The following KMT2E variants were observed in gnomAD, a reference collection of about 807,000 sequenced individuals.
KMT2E encodes the protein lysine methyltransferase 2E (inactive).
Under a neutral mutation model 184.6 loss-of-function variants are expected in KMT2E, and 30 were observed. The observed-to-expected ratio is 0.16, with a 90% CI of 0.12 to 0.22. The LOEUF (loss-of-function observed/expected upper bound fraction) is 0.22. KMT2E is among the 10% of genes least tolerant of loss of function. The pLI is 1.00. For missense variants in KMT2E, 2,023 were observed against 2,237.4 expected, an observed-to-expected ratio of 0.90 and a Z score of 1.93; for synonymous variants, 815 against 776.5, an observed-to-expected ratio of 1.05 and a Z score of -0.82.
chr7:105,069,770 A>C (rs1427283715), intron 6 of KMT2E, among the ~76,000 whole-genome samples: 3 of 152,230 alleles, frequency 2.0e-5, no homozygotes, highest in Non-Finnish European at 2.9e-5. Flanking sequence ...GTCACTCTAT[A>C]GAACATTCCT....
chr7:105,038,196 C>G lies in KMT2E; in HGVS notation c.-118C>G, dbSNP rs1795741025. The G allele has an allele frequency of 6.6e-6, 1 of 152,158 alleles. No homozygotes were observed. The highest frequency in any genetic ancestry group is 1.5e-5 in the Non-Finnish European group (1 of 68,032). 9.4% of individuals were successfully genotyped at this position (152,158 alleles called of 1,614,324 possible). On this transcript the variant is annotated 5_prime_UTR_variant, in exon 2 of 27. Coordinates refer to ENST00000311117, the MANE Select transcript of KMT2E (RefSeq NM_182931.3). ...TGGACCTCAGATTTACCAGACATCTCATGGTATTTCCTTTTCTATTATTTC... is the reference window on the plus strand; with the variant it reads ...TGGACCTCAGATTTACCAGACATCTGATGGTATTTCCTTTTCTATTATTTC...
chr7:105,017,386 T>C (rs1584679350), intron 1 of KMT2E, among the ~76,000 whole-genome samples: 1 of 152,102 alleles, frequency 6.6e-6, no homozygotes, highest in Non-Finnish European at 1.5e-5. Context: ...TTGCTTTAGG[T>C]TTTGTTTCTT....
intron 1 of KMT2E, among the ~76,000 whole-genome samples, chr7:105,019,009 ATACTC>A (rs1480073793): frequency 1.3e-5 from 2 of 152,102 alleles, no homozygotes; most frequent in Non-Finnish European, 2.9e-5. Flanking sequence ...TTTATATAAA[ATACTC>A]TGTTTAATAG....
In KMT2E at chr7:105,112,441, C is replaced by T. The variant is rs752465356; in HGVS notation, c.4685C>T (p.Pro1562Leu). 5 of 1,613,756 alleles carry T rather than the reference C, an allele frequency of 3.1e-6. No individual in the cohort carries two copies. The highest frequency in any genetic ancestry group is 1.1e-5 in the South Asian group (1 of 91,074). The change falls in exon 27 of 27, where the codon CCC becomes CTC. Residue 1562 changes from proline (P) to leucine (L), a missense_variant. By Grantham distance (98) the Pro-to-Leu change is moderately conservative. Transcript: ENST00000311117. The part of the protein sequence containing the change: ...PSSSYYQNQQ[P>L]SANFQNYNQL... ...TCGTCTTACTATCAAAACCAGCAGC[C>T]CTCTGCAAACTTTCAGAATTATAAT...
At chr7:105,097,341 G>A (rs1798451297) in intron 15 of KMT2E, among the ~76,000 whole-genome samples, 1 of 152,102 alleles carries the variant, frequency 6.6e-6, no homozygotes, top group Non-Finnish European at 1.5e-5. Flanking sequence ...CTAAAGATAA[G>A]TAATTAATGA....
At position 105,114,778 on chromosome 7, in the gene KMT2E, A is replaced by C. The variant is rs570356181; in HGVS notation, c.*1445A>C. Among the ~76,000 whole-genome samples, 1 of 152,284 alleles carries C rather than the reference A, an allele frequency of 6.6e-6. No homozygotes were observed. The highest frequency in any genetic ancestry group is 2.4e-5 in the African/African-American group (1 of 41,562). ...TGAACCTCTATTTATTTCCTTTTGA[A>C]AATTAGCTAATGATGGTACATTAAC... On this transcript the variant is annotated 3_prime_UTR_variant, in exon 27 of 27. Transcript: ENST00000311117.
intron 6 of KMT2E, among the ~76,000 whole-genome samples, chr7:105,069,791 G>A (rs1490965912): frequency 6.6e-6 from 1 of 152,096 alleles, no homozygotes; most frequent in Non-Finnish European, 1.5e-5. Context: ...GTCACTGCCA[G>A]GAGTCATGCT....
intron 10 of KMT2E, 41 bp from the exon 11 acceptor site, chr7:105,077,262 C>A (rs778330026): frequency 2.4e-5 from 38 of 1,600,752 alleles, no homozygotes; most frequent in Middle Eastern, 1.7e-4. Flanking sequence ...AAACTGAAAA[C>A]AAGCAAGTTT....
At chr7:105,050,517 A>T (rs1384576897) in intron 3 of KMT2E, among the ~76,000 whole-genome samples, 1 of 151,850 alleles carries the variant, frequency 6.6e-6, no homozygotes, top group Non-Finnish European at 1.5e-5. Context: ...TAAGCTCCAG[A>T]CTTGTATACC....
At chr7:105,108,025 AATTTAGTT>A (rs66673047) in intron 22 of KMT2E, 100 bp downstream of exon 22, 35,263 of 709,830 alleles carry the variant, frequency 0.05, 3,496 homozygotes, top group East Asian at 0.43. Context: ...AGGCATTCTT[AATTTAGTT>A]ATTAAAGTTA....
At chr7:105,088,595 A>G (rs903222965) in intron 13 of KMT2E, among the ~76,000 whole-genome samples, 12 of 152,254 alleles carry the variant, frequency 7.9e-5, no homozygotes, top group Admixed American at 2.0e-4. Flanking sequence ...GGCCTGTATC[A>G]TAGAGATGAA....
Position 105,066,791 on chromosome 7 carries a change from G to T in KMT2E, c.481G>T (p.Glu161Ter). The T allele has an allele frequency of 6.2e-7, 1 of 1,611,246 alleles. No homozygotes were observed. The highest frequency in any genetic ancestry group is 1.1e-5 in the South Asian group (1 of 90,950). The change falls in exon 6 of 27, where the codon GAA (glutamate) becomes TAA (stop). Residue 161 changes from glutamate to a stop codon, truncating the protein, a stop_gained. Transcript: ENST00000311117. LOFTEE classifies it high-confidence loss of function. ...RQHIPDTYLCERCQPRNLDKE... is the reference protein window; with the variant it reads ...RQHIPDTYLC Reference sequence around the variant, plus strand: ...GCATATTCCTGATACATATCTATGTGAACGTTGTCAGCCTAGGTAAGTTGC... The same window carrying T: ...GCATATTCCTGATACATATCTATGTTAACGTTGTCAGCCTAGGTAAGTTGC...
chr7:105,098,470 A>G lies in KMT2E; in HGVS notation c.1723-2955A>G, dbSNP rs1405862407. Among the ~76,000 whole-genome samples, 3 of 151,954 alleles carry G rather than the reference A, an allele frequency of 2.0e-5. No individual in the cohort carries two copies. In the East Asian group the frequency reaches 5.8e-4, roughly 29 times the overall value. ...CACCTGGCTGGAGTGCAGTGGCGCA[A>G]TCTCAGCTTACTGCAACCTCCACCT... On this transcript the variant is annotated intron_variant, in intron 15 of 26. Transcript: ENST00000311117.
Position 105,113,874 on chromosome 7 carries a change from C to T in KMT2E, c.*541C>T, listed in dbSNP as rs1799457516. 6.5e-6 allele frequency: 1 copy of T among 154,938 alleles called. No individual in the cohort carries two copies. The highest frequency in any genetic ancestry group is 1.5e-5 in the Non-Finnish European group (1 of 68,440). 9.6% of individuals were successfully genotyped at this position (154,938 alleles called of 1,614,324 possible). ...GTCTCCTGACAAACTGTAAATACTGCATTTCTTTTGCGTATATAATTGCTT... is the reference window on the plus strand; with the variant it reads ...GTCTCCTGACAAACTGTAAATACTGTATTTCTTTTGCGTATATAATTGCTT... On this transcript the variant is annotated 3_prime_UTR_variant, in exon 27 of 27. Coordinates refer to ENST00000311117, the MANE Select transcript of KMT2E (RefSeq NM_182931.3).
intron 1 of KMT2E, among the ~76,000 whole-genome samples, chr7:105,016,053 TA>T (rs1358060971): frequency 6.6e-6 from 1 of 152,238 alleles, no homozygotes; most frequent in Non-Finnish European, 1.5e-5. Flanking sequence ...CAAAGTAGAT[TA>T]AAATGTTTAG....
At chr7:105,069,567 A>C (rs1397184872) in intron 6 of KMT2E, among the ~76,000 whole-genome samples, 4 of 152,220 alleles carry the variant, frequency 2.6e-5, no homozygotes, top group Non-Finnish European at 4.4e-5. Context: ...CACCAACTGG[A>C]TACACACTTA....
intron 5 of KMT2E, among the ~76,000 whole-genome samples, chr7:105,064,521 C>A (rs926886885): frequency 6.6e-6 from 1 of 151,992 alleles, no homozygotes; most frequent in African/African-American, 2.4e-5. Context: ...ATTATTGATA[C>A]AAACATGCAG....
chr7:105,109,323 G>T, intron 23 of KMT2E, 95 bp downstream of exon 23: 1 of 1,258,200 alleles, frequency 7.9e-7, no homozygotes. Context: ...AGCTGATAGT[G>T]CTTCGTGGTC....
intron 6 of KMT2E, among the ~76,000 whole-genome samples, chr7:105,068,640 T>G (rs1387726531): frequency 1.2e-4 from 11 of 88,652 alleles, no homozygotes; most frequent in Non-Finnish European, 2.3e-4. Context: ...TTTTTTTTTG[T>G]TTTTTTTTTT....
Sources: gnomAD v4.1 joint callset for allele counts (sites outside exome capture counted in the v4.1 genomes callset) on GRCh38, gnomAD v4.1.1 for gene constraint, MANE v1.5 for transcripts, NCBI Gene and HGNC (gene_info 2026-07-23, HGNC 2026-07-21) for gene names.